Variants in TMEM200A observed in about 807,000 individuals in gnomAD.
TMEM200A encodes transmembrane protein 200A.
TMEM200A carries 12 observed loss-of-function variants against 24.3 expected under a neutral mutation model. The ratio of observed to expected loss-of-function variants is 0.49; its 90% CI spans 0.32 to 0.80. The LOEUF is 0.80. Ranked by LOEUF, TMEM200A falls within the 30% of genes least tolerant of loss-of-function variation. The pLI is 0.04. For synonymous variants in TMEM200A, 224 were observed against 224.4 expected, an observed-to-expected ratio of 1.00 and a Z score of 0.02; for missense variants, 545 against 614.4, an observed-to-expected ratio of 0.89 and a Z score of 1.19.
At chr6:130,392,292 A>G (rs1294635517) in intron 2 of TMEM200A, among the ~76,000 whole-genome samples, 1 of 152,182 alleles carries the variant, frequency 6.6e-6, no homozygotes, top group Admixed American at 6.5e-5. Flanking sequence ...AGTAGATGTT[A>G]TTATCTCAAA....
chr6:130,418,103 G>T (rs957608189), intron 2 of TMEM200A, among the ~76,000 whole-genome samples: 2 of 151,814 alleles, frequency 1.3e-5, no homozygotes, highest in Admixed American at 6.6e-5. Context: ...TTCACCTCTT[G>T]GCATGATTAT....
intron 2 of TMEM200A, among the ~76,000 whole-genome samples, chr6:130,431,451 C>T (rs1779872264): frequency 6.6e-6 from 1 of 152,106 alleles, no homozygotes; most frequent in East Asian, 1.9e-4. Flanking sequence ...TTCTTTACAC[C>T]AGTTTCAAGT....
Position 130,417,336 on chromosome 6 carries a change from GA to G in TMEM200A, c.-16-23064del, listed in dbSNP as rs371061506. 4.2e-3 allele frequency among the ~76,000 whole-genome samples: 636 copies of G among 152,216 alleles called. 7 individuals are homozygous for G. The highest frequency in any genetic ancestry group is 0.014 in the African/African-American group (592 of 41,550). On this transcript the variant is annotated intron_variant, in intron 2 of 2. Transcript: ENST00000296978. The stretch of plus-strand genomic sequence containing the variant: ...TGAATTATTCTGACAATCTGAGTTT[GA>G]AAAAAATAAAATTATGAAAATTTGA...
intron 2 of TMEM200A, among the ~76,000 whole-genome samples, chr6:130,419,430 A>G (rs1249369187): frequency 6.6e-6 from 1 of 152,180 alleles, no homozygotes. Context: ...CTTTGGATCA[A>G]TAACCAGTAG....
intron 2 of TMEM200A, among the ~76,000 whole-genome samples, chr6:130,423,833 G>A (rs62432236): frequency 0.036 from 5,487 of 152,118 alleles, 128 homozygotes; most frequent in Non-Finnish European, 0.053. Context: ...CTTGATTTAC[G>A]CATTAGGTGG....
At chr6:130,404,095 T>A (rs1779151783) in intron 2 of TMEM200A, among the ~76,000 whole-genome samples, 2 of 152,312 alleles carry the variant, frequency 1.3e-5, no homozygotes, top group Non-Finnish European at 2.9e-5. Flanking sequence ...TTAGGTTGAT[T>A]CTATGTCTCT....
intron 2 of TMEM200A, among the ~76,000 whole-genome samples, chr6:130,422,383 A>G (rs770871029): frequency 3.9e-5 from 6 of 152,038 alleles, no homozygotes; most frequent in Non-Finnish European, 8.8e-5. Context: ...ATTCTACTGC[A>G]TCAGCCTCCT....
chr6:130,372,279 A>C (rs533707356), intron 1 of TMEM200A, among the ~76,000 whole-genome samples: 1 of 152,166 alleles, frequency 6.6e-6, no homozygotes, highest in Non-Finnish European at 1.5e-5. Flanking sequence ...TAGACATCTG[A>C]GTGTGAGATA....
At chr6:130,409,530 G>T (rs530062736) in intron 2 of TMEM200A, among the ~76,000 whole-genome samples, 1 of 152,238 alleles carries the variant, frequency 6.6e-6, no homozygotes, top group East Asian at 1.9e-4. Context: ...TCTGCTTAGT[G>T]ATCTATTTCC....
At chr6:130,432,761 A>G (rs2115214793) in intron 2 of TMEM200A, among the ~76,000 whole-genome samples, 1 of 152,280 alleles carries the variant, frequency 6.6e-6, no homozygotes, top group South Asian at 2.1e-4. Context: ...CACTAATATC[A>G]CTCACGTAGA....
In TMEM200A at chr6:130,366,168, C is replaced by T. The variant is rs1282099872; in HGVS notation, c.-437C>T. ...CTCCGAGGGCAGGCGCGCCTGGACT[C>T]TGCGCCCGGATGGCGGCGGCCCTCT... On this transcript the variant is annotated 5_prime_UTR_variant, in exon 1 of 3. Transcript: ENST00000296978. The surrounding 1 kb of genome is among the most constrained non-coding windows in gnomAD (Gnocchi z 4.4). 1.1e-5 allele frequency: 11 copies of T among 985,146 alleles called. No individual in the cohort carries two copies. The highest frequency in any genetic ancestry group is 1.2e-4 in the Admixed American group (2 of 16,268). 61.0% of individuals were successfully genotyped at this position (985,146 alleles called of 1,614,324 possible). A position where few individuals can be genotyped will look rare whatever the true frequency, so the allele number is the denominator to read the frequency against.
intron 2 of TMEM200A, among the ~76,000 whole-genome samples, chr6:130,385,541 A>G (rs920906835): frequency 6.6e-6 from 1 of 152,212 alleles, no homozygotes; most frequent in Non-Finnish European, 1.5e-5. Context: ...TGTTTTAGCA[A>G]GACAGCTCCT....
chr6:130,408,489 T>TA (rs1299804702), intron 2 of TMEM200A, among the ~76,000 whole-genome samples: 1 of 152,148 alleles, frequency 6.6e-6, no homozygotes, highest in Non-Finnish European at 1.5e-5. Flanking sequence ...TGTTGCATCT[T>TA]AGACAGGGTT....
intron 2 of TMEM200A, among the ~76,000 whole-genome samples, chr6:130,393,903 A>G (rs930996813): frequency 6.6e-6 from 1 of 152,166 alleles, no homozygotes; most frequent in Non-Finnish European, 1.5e-5. Context: ...TGGTTTATTT[A>G]TTGGAATCTC....
intron 2 of TMEM200A, among the ~76,000 whole-genome samples, chr6:130,407,893 A>T (rs529366133): frequency 6.6e-6 from 1 of 152,224 alleles, no homozygotes; most frequent in East Asian, 1.9e-4. Flanking sequence ...TACGTCTGCT[A>T]TCCTTTTTAT....
At chr6:130,421,510 T>TTGTGTGTGTG (rs60156754) in intron 2 of TMEM200A, among the ~76,000 whole-genome samples, 22,570 of 148,864 alleles carry the variant, frequency 0.15, 1,805 homozygotes, top group East Asian at 0.32. Flanking sequence ...ACAGTTACCT[T>TTGTGTGTGTG]TGTGTGTGTG....
chr6:130,375,415 A>G (rs1778431184), intron 1 of TMEM200A, among the ~76,000 whole-genome samples: 1 of 152,244 alleles, frequency 6.6e-6, no homozygotes, highest in Admixed American at 6.5e-5. Context: ...ATTAATTAAT[A>G]AAGGATTCAT....
chr6:130,378,742 A>T (rs1485272618), intron 1 of TMEM200A, among the ~76,000 whole-genome samples: 2 of 151,134 alleles, frequency 1.3e-5, no homozygotes, highest in East Asian at 3.9e-4. Context: ...AAAAAAAAAA[A>T]GATCTTGAGT....
intron 1 of TMEM200A, among the ~76,000 whole-genome samples, chr6:130,369,015 G>A (rs989494100): frequency 1.3e-5 from 2 of 152,214 alleles, no homozygotes; most frequent in African/African-American, 4.8e-5. Context: ...GTGTAGGAGG[G>A]TGGTTTGTAG....
Sources: gnomAD v4.1 joint callset for allele counts (sites outside exome capture counted in the v4.1 genomes callset) on GRCh38, gnomAD v4.1.1 for gene constraint, Gnocchi (gnomAD v3.1) non-coding constraint, MANE v1.5 for transcripts, NCBI Gene and HGNC (gene_info 2026-07-23, HGNC 2026-07-21) for gene names.